The following RPE variants were observed in gnomAD, a reference collection of about 807,000 sequenced individuals.
RPE encodes ribulose-5-phosphate-3-epimerase, also known as ribulose-phosphate 3-epimerase.
In RPE, 16 loss-of-function variants were observed where a neutral mutation model predicts 24.6. The observed-to-expected ratio is 0.65, with a 90% CI of 0.44 to 0.99. The LOEUF (loss-of-function observed/expected upper bound fraction) is 0.99, where lower values mean the gene tolerates loss of function less well. Ranked by LOEUF, RPE falls within the 50% of genes least tolerant of loss-of-function variation. The probability of loss-of-function intolerance (pLI) is 0.00; values close to 1 mark genes in which losing one functional copy is unlikely to be tolerated. For synonymous variants in RPE, 93 were observed against 98.4 expected, an observed-to-expected ratio of 0.94 and a Z score of 0.33; for missense variants, 240 against 294.5, an observed-to-expected ratio of 0.81 and a Z score of 1.35.
At chr2:210,009,769 G>T in intron 2 of RPE, 33 bp downstream of exon 2, 2 of 1,613,730 alleles carry the variant, frequency 1.2e-6, no homozygotes, top group Non-Finnish European at 1.7e-6. Flanking sequence ...GAAGCTGGAT[G>T]TGTTGCTCAA....
chr2:210,019,672 G>A lies in RPE; in HGVS notation c.568G>A (p.Gly190Arg). The stretch of plus-strand genomic sequence containing the variant: ...CCTAACTGTTTACTTCTTCCAGGCA[G>A]GAGCTAACATGATTGTGTCTGGCAG... ...PDTVHKCAEAGANMIVSGSAI... is the reference protein window; with the variant it reads ...PDTVHKCAEARANMIVSGSAI... Residue 190 changes from glycine (G) to arginine (R), a missense_variant, in exon 6 of 6, where the codon GGA becomes AGA. By Grantham distance (125) the Gly-to-Arg change is moderately radical. Transcript: ENST00000359429. 2.5e-6 allele frequency: 4 copies of A among 1,612,030 alleles called. No homozygotes were observed. The highest frequency in any genetic ancestry group is 3.4e-6 in the Non-Finnish European group (4 of 1,178,820).
At chr2:210,014,814 A>G (rs1427251414) in intron 2 of RPE, among the ~76,000 whole-genome samples, 1 of 152,040 alleles carries the variant, frequency 6.6e-6, no homozygotes, top group African/African-American at 2.4e-5. Context: ...TGTTTCAGAA[A>G]TGTGCTTCCT....
chr2:210,012,053 A>G (rs1482473802), intron 2 of RPE, among the ~76,000 whole-genome samples: 1 of 152,104 alleles, frequency 6.6e-6, no homozygotes, highest in Non-Finnish European at 1.5e-5. Flanking sequence ...TGATACATGA[A>G]TGTATTCTAG....
chr2:210,017,926 G>T, intron 5 of RPE: 1 of 535,204 alleles, frequency 1.9e-6, no homozygotes, highest in East Asian at 3.5e-5. Context: ...TTTATTTTTA[G>T]TAGAGACAGG....
At chr2:210,015,880 T>G in intron 2 of RPE, 93 bp from the exon 3 acceptor site, 1 of 1,343,828 alleles carries the variant, frequency 7.4e-7, no homozygotes, top group South Asian at 1.4e-5. Context: ...AAAGAGTTCT[T>G]ATCAGAAGTG....
At chr2:210,018,395 A>AC in intron 5 of RPE, 1 of 978,468 alleles carries the variant, frequency 1.0e-6, no homozygotes, top group Middle Eastern at 5.3e-4. Context: ...ACTTTTTTTT[A>AC]CTTTTTTTTT....
chr2:210,015,924 A>G, intron 2 of RPE, 49 bp from the exon 3 acceptor site: 2 of 1,598,724 alleles, frequency 1.3e-6, no homozygotes, highest in South Asian at 1.1e-5. Flanking sequence ...TTCCAATAAC[A>G]TGAGCCAGGT....
chr2:210,011,196 A>G (rs988464677), intron 2 of RPE, among the ~76,000 whole-genome samples: 4 of 152,226 alleles, frequency 2.6e-5, no homozygotes, highest in South Asian at 2.1e-4. Flanking sequence ...AAATTTCCAT[A>G]TAATGGGATA....
At chr2:210,011,460 A>G (rs1414726559) in intron 2 of RPE, among the ~76,000 whole-genome samples, 2 of 151,604 alleles carry the variant, frequency 1.3e-5, no homozygotes, top group African/African-American at 2.4e-5. Flanking sequence ...ACACCATACT[A>G]TTGTCTATAT....
At chr2:210,008,996 G>C (rs962055188) in intron 1 of RPE, among the ~76,000 whole-genome samples, 1 of 152,116 alleles carries the variant, frequency 6.6e-6, no homozygotes. Context: ...GTGCCTGGCT[G>C]GTAGACTTAA....
At chr2:210,008,980 G>A (rs1427703824) in intron 1 of RPE, among the ~76,000 whole-genome samples, 1 of 152,220 alleles carries the variant, frequency 6.6e-6, no homozygotes, top group African/African-American at 2.4e-5. Context: ...ACAGGCGTGA[G>A]CCACTGTGCC....
chr2:210,017,737 T>C (rs1188695708), intron 5 of RPE, 178 bp downstream of exon 5: 521 of 594,818 alleles, frequency 8.8e-4, no homozygotes, highest in East Asian at 1.7e-3. Context: ...GATATGCTTT[T>C]TTTTTTTTTT....
chr2:210,016,169 C>G (rs7570090), intron 3 of RPE, 57 bp downstream of exon 3: 9 of 1,613,292 alleles, frequency 5.6e-6, no homozygotes, highest in Admixed American at 3.3e-5. Context: ...GGAAGATTTG[C>G]GGGAAACAGG....
intron 1 of RPE, among the ~76,000 whole-genome samples, chr2:210,006,114 ATAACT>A (rs370520665): frequency 1.4e-4 from 22 of 152,352 alleles, no homozygotes; most frequent in African/African-American, 2.4e-4. Context: ...ACTCCAGGAA[ATAACT>A]TAAAGGAAAA....
chr2:210,008,943 G>T (rs971593085), intron 1 of RPE, among the ~76,000 whole-genome samples: 1 of 152,094 alleles, frequency 6.6e-6, no homozygotes, highest in African/African-American at 2.4e-5. Flanking sequence ...TGATCTGCCC[G>T]CCTCAGCCTC....
At chr2:210,016,189 C>CT in intron 3 of RPE, 77 bp downstream of exon 3, 6 of 1,613,524 alleles carry the variant, frequency 3.7e-6, no homozygotes, top group Non-Finnish European at 5.1e-6. Flanking sequence ...GAAATTTTCT[C>CT]TTTTTTTGAT....
chr2:210,009,592 A>C, intron 1 of RPE, 65 bp from the exon 2 acceptor site: 1 of 1,595,602 alleles, frequency 6.3e-7, no homozygotes, highest in Non-Finnish European at 8.6e-7. Flanking sequence ...GTCAGAATTC[A>C]TATTGAGAGA....
At chr2:210,005,890 T>TA (rs1227179796) in intron 1 of RPE, among the ~76,000 whole-genome samples, 10 of 152,334 alleles carry the variant, frequency 6.6e-5, no homozygotes, top group Non-Finnish European at 1.3e-4. Flanking sequence ...ATCCTCCTCT[T>TA]ACCATCTTTG....
chr2:210,011,566 T>G (rs1257568573), intron 2 of RPE, among the ~76,000 whole-genome samples: 1 of 152,234 alleles, frequency 6.6e-6, no homozygotes, highest in Non-Finnish European at 1.5e-5. Context: ...TTGATAAACT[T>G]GCTAATTAAT....
Sources: allele counts gnomAD v4.1 joint callset (sites outside exome capture counted in the v4.1 genomes callset), GRCh38; gene constraint gnomAD v4.1.1; transcripts MANE v1.5; gene names NCBI Gene and HGNC (gene_info 2026-07-23, HGNC 2026-07-21).